The following AFDN variants were observed in gnomAD, a reference collection of about 807,000 sequenced individuals.
The protein encoded by AFDN is afadin.
A neutral mutation model predicts 216.6 loss-of-function variants in AFDN; 68 were observed. The ratio of observed to expected loss-of-function variants is 0.31; its 90% confidence interval spans 0.26 to 0.38. AFDN has a LOEUF of 0.38. AFDN is among the 10% of genes least tolerant of loss of function. The pLI is 1.00. For synonymous variants in AFDN, 868 were observed against 853.7 expected (o/e 1.02, Z -0.29); for missense variants, 2,136 against 2,342.0 (o/e 0.91, Z 1.82).
At chr6:167,924,950 A>C (rs774441841) in intron 22 of AFDN, 55 bp from the exon 23 acceptor site, 3 of 1,250,000 alleles carry the variant, frequency 2.4e-6, no homozygotes, top group Non-Finnish European at 3.5e-6. Context: ...TTGTCTAACC[A>C]TACAGAAGCA....
chr6:167,878,166 C>G (rs1785625795), intron 5 of AFDN, among the ~76,000 whole-genome samples: 1 of 151,638 alleles, frequency 6.6e-6, no homozygotes, highest in Non-Finnish European at 1.5e-5. Flanking sequence ...TTGTGAGTAG[C>G]GGGGCACTGT....
At chr6:167,921,792 A>G (rs1161074289) in intron 21 of AFDN, among the ~76,000 whole-genome samples, 1 of 151,054 alleles carries the variant, frequency 6.6e-6, no homozygotes, top group Non-Finnish European at 1.5e-5. Context: ...CTGAATTGAA[A>G]TAGTGATTTA....
intron 5 of AFDN, among the ~76,000 whole-genome samples, chr6:167,879,889 G>T (rs1329405254): frequency 6.6e-6 from 1 of 152,030 alleles, no homozygotes; most frequent in Non-Finnish European, 1.5e-5. Context: ...TTTATTTAGT[G>T]GGTTAATATT....
intron 23 of AFDN, among the ~76,000 whole-genome samples, chr6:167,938,754 T>C (rs1794323264): frequency 6.6e-6 from 1 of 152,112 alleles, no homozygotes; most frequent in Admixed American, 6.5e-5. Context: ...AAGAGCCTAG[T>C]GGTTGCCCTC....
rs568171621 is a variant in AFDN at position 167,865,768 on chromosome 6, TA to T, written c.301+1024del. On this transcript the variant is annotated intron_variant, in intron 2 of 33. Transcript: ENST00000683244. The stretch of plus-strand genomic sequence containing the variant: ...ACAAACCTAATTTGAATACCTCTTT[TA>T]AGTTCCATCCACAGATCTTTTTTGA... 4.0e-3 allele frequency among the ~76,000 whole-genome samples: 610 copies of T among 152,144 alleles called. 6 individuals are homozygous for T. Among genetic ancestry groups the T allele is most frequent in the African/African-American group, 0.014 (591 of 41,550 alleles).
At chr6:167,939,300 G>C (rs138049522) in intron 23 of AFDN, among the ~76,000 whole-genome samples, 1 of 152,160 alleles carries the variant, frequency 6.6e-6, no homozygotes, top group Non-Finnish European at 1.5e-5. Context: ...TGAAAATGTC[G>C]TGAGGTGCCC....
chr6:167,827,674 C>CT (rs1465989008), intron 1 of AFDN: 2 of 151,276 alleles, frequency 1.3e-5, no homozygotes, highest in African/African-American at 4.8e-5. Context: ...GGGATGGAGC[C>CT]TGTGACGCGC....
rs928878252 is a variant in AFDN, at chr6:167,849,159, G to A, written c.106-15392G>A. 2.0e-5 allele frequency among the ~76,000 whole-genome samples: 3 copies of A among 151,672 alleles called. No homozygotes were observed. The East Asian group carries it at 5.8e-4, about 29-fold the overall frequency. On this transcript the variant is annotated intron_variant, in intron 1 of 33. Coordinates refer to ENST00000683244, the MANE Select transcript of AFDN (RefSeq NM_001386888.1). ...TGGGGTTGTTGTGAAAATTGGAGTA[G>A]ATAACGCATAAAAAGTACTTATTAG... is the stretch of plus-strand genomic sequence containing the variant.
intron 12 of AFDN, 122 bp downstream of exon 12, chr6:167,902,508 A>G: frequency 2.9e-6 from 2 of 682,070 alleles, no homozygotes; most frequent in South Asian, 1.8e-5. Context: ...ACCACCAGTC[A>G]ATGTCTGAAA....
intron 1 of AFDN, among the ~76,000 whole-genome samples, chr6:167,829,244 A>G (rs1185093071): frequency 6.6e-6 from 1 of 152,146 alleles, no homozygotes; most frequent in South Asian, 2.1e-4. Flanking sequence ...CTTTTTTACT[A>G]TATAGTGGCT....
intron 31 of AFDN, chr6:167,964,452 A>G: frequency 6.6e-6 from 7 of 1,065,560 alleles, no homozygotes; most frequent in Non-Finnish European, 8.0e-6. Context: ...GGGAACACTT[A>G]CTTTGTGTAG....
intron 31 of AFDN, chr6:167,964,177 C>T: frequency 9.4e-7 from 1 of 1,063,812 alleles, no homozygotes; most frequent in Non-Finnish European, 1.1e-6. Flanking sequence ...ATTAAGTGGT[C>T]ACTGTAAAAA....
chr6:167,871,372 A>T (rs929404599), intron 3 of AFDN, among the ~76,000 whole-genome samples: 23 of 152,144 alleles, frequency 1.5e-4, no homozygotes, highest in Non-Finnish European at 3.1e-4. Context: ...ATGCTCTTTC[A>T]TTCTGTATAT....
At chr6:167,861,534 A>G (rs867971374) in intron 1 of AFDN, among the ~76,000 whole-genome samples, 2 of 152,120 alleles carry the variant, frequency 1.3e-5, no homozygotes, top group Non-Finnish European at 2.9e-5. Flanking sequence ...GCTGGGCCAC[A>G]TTGGTAATAA....
At chr6:167,908,597 G>A (rs9346512) in intron 13 of AFDN, among the ~76,000 whole-genome samples, 52,083 of 151,928 alleles carry the variant, frequency 0.34, 9,687 homozygotes, top group East Asian at 0.6. Context: ...AAATGAATTC[G>A]CACGAGGGAG....
intron 17 of AFDN, 136 bp downstream of exon 17, chr6:167,914,449 C>T: frequency 8.9e-7 from 1 of 1,123,928 alleles, no homozygotes; most frequent in Non-Finnish European, 1.2e-6. Context: ...TACATTTTTG[C>T]AAAATGTATT....
At chr6:167,850,747 T>G (rs1244693608) in intron 1 of AFDN, among the ~76,000 whole-genome samples, 1 of 152,238 alleles carries the variant, frequency 6.6e-6, no homozygotes. Context: ...AGGCTGAATT[T>G]AAGAACATGG....
At chr6:167,835,450 T>C (rs1368565230) in intron 1 of AFDN, among the ~76,000 whole-genome samples, 1 of 152,258 alleles carries the variant, frequency 6.6e-6, no homozygotes, top group African/African-American at 2.4e-5. Flanking sequence ...TACTTTTTTT[T>C]TGAGACAGCT....
chr6:167,871,310 C>G (rs1195586808), intron 3 of AFDN, among the ~76,000 whole-genome samples: 1 of 152,116 alleles, frequency 6.6e-6, no homozygotes, highest in Admixed American at 6.6e-5. Flanking sequence ...AATGCATGTC[C>G]ATTGTTTTGC....
Sources: gnomAD v4.1 joint callset for allele counts (sites outside exome capture counted in the v4.1 genomes callset) on GRCh38, gnomAD v4.1.1 for gene constraint, MANE v1.5 for transcripts, NCBI Gene and HGNC (gene_info 2026-07-23, HGNC 2026-07-21) for gene names.